Variants in NOL10 observed in about 807,000 individuals in gnomAD.
NOL10 encodes the protein H_NH0074G24.1.
In NOL10, 58 loss-of-function variants were observed where a neutral mutation model predicts 103.5. That is an observed-to-expected ratio of 0.56 (90% CI 0.45 to 0.70). The LOEUF is 0.70. NOL10 is among the 30% of genes least tolerant of loss of function. The probability of loss-of-function intolerance (pLI) is 0.00; values close to 1 mark genes in which losing one functional copy is unlikely to be tolerated. For synonymous variants in NOL10, 287 were observed against 282.5 expected (o/e 1.02, Z -0.16); for missense variants, 763 against 807.3 (o/e 0.95, Z 0.67).
chr2:10,637,225 A>T (rs10167779), intron 13 of NOL10, among the ~76,000 whole-genome samples: 1 of 143,642 alleles, frequency 7.0e-6, no homozygotes, highest in Non-Finnish European at 1.5e-5. Context: ...ACACACACAC[A>T]CTAAAACCAA....
intron 13 of NOL10, among the ~76,000 whole-genome samples, chr2:10,620,645 C>T (rs566559627): frequency 2.1e-4 from 32 of 152,322 alleles, no homozygotes; most frequent in Admixed American, 1.8e-3. Context: ...CACAACAGTA[C>T]TTAAGTAGAG....
intron 13 of NOL10, among the ~76,000 whole-genome samples, chr2:10,617,494 C>A (rs1676896186): frequency 6.6e-6 from 1 of 152,148 alleles, no homozygotes; most frequent in Non-Finnish European, 1.5e-5. Context: ...AACAAACAAC[C>A]ACAAACCCTG....
intron 4 of NOL10, 71 bp downstream of exon 4, chr2:10,675,723 C>T: frequency 2.3e-6 from 2 of 853,784 alleles, no homozygotes; most frequent in Non-Finnish European, 1.8e-6. Flanking sequence ...AAACCATTCT[C>T]ATTTTAAAAC....
chr2:10,653,243 ATGAG>A (rs1348571852), intron 12 of NOL10, among the ~76,000 whole-genome samples: 2 of 151,910 alleles, frequency 1.3e-5, no homozygotes, highest in Admixed American at 6.6e-5. Context: ...CATAGACACT[ATGAG>A]TGAGTACACC....
intron 4 of NOL10, among the ~76,000 whole-genome samples, chr2:10,673,848 C>T (rs1558346252): frequency 6.6e-6 from 1 of 151,772 alleles, no homozygotes; most frequent in African/African-American, 2.4e-5. Flanking sequence ...ATGTTGAAAA[C>T]AAAATAATTT....
At position 10,587,280 on chromosome 2, in the gene NOL10, T is replaced by A. The variant is rs372935788; in HGVS notation, c.1844+1763A>T. On this transcript the variant is annotated intron_variant, in intron 19 of 20. Coordinates refer to ENST00000381685, the MANE Select transcript of NOL10 (RefSeq NM_024894.4). The stretch of plus-strand genomic sequence containing the variant: ...ATACACATATATATATATATATTTT[T>A]TTTTTTTTTGAGATGGAGTCTAGTT... Among the ~76,000 whole-genome samples, 404 of 97,482 alleles carry A rather than the reference T, an allele frequency of 4.1e-3. 56 individuals carry two copies. Among genetic ancestry groups the A allele is most frequent in the Middle Eastern group, 0.012 (3 of 244 alleles). 64.0% of individuals were successfully genotyped at this position (97,482 alleles called of 152,430 possible).
At chr2:10,573,414 G>A (rs7607611) in intron 20 of NOL10, among the ~76,000 whole-genome samples, 37,610 of 151,870 alleles carry the variant, frequency 0.25, 6,483 homozygotes, top group African/African-American at 0.45. Context: ...GGATGGTCTC[G>A]ATCTCTTGAC....
intron 19 of NOL10, among the ~76,000 whole-genome samples, chr2:10,588,159 G>A (rs1312006029): frequency 6.6e-6 from 1 of 152,140 alleles, no homozygotes; most frequent in African/African-American, 2.4e-5. Context: ...TCAGACTCCT[G>A]ACAACTGAAA....
chr2:10,669,114 T>C (rs954801421), intron 6 of NOL10, among the ~76,000 whole-genome samples: 2 of 151,994 alleles, frequency 1.3e-5, no homozygotes, highest in African/African-American at 4.8e-5. Context: ...GTTTTTGATA[T>C]GGGGTTTTGC....
At chr2:10,677,201 A>T (rs1681367350) in intron 3 of NOL10, among the ~76,000 whole-genome samples, 1 of 152,014 alleles carries the variant, frequency 6.6e-6, no homozygotes, top group Non-Finnish European at 1.5e-5. Context: ...CGCCTGCCTA[A>T]GTGCTGGGAT....
At chr2:10,599,524 C>T (rs1210503709) in intron 17 of NOL10, among the ~76,000 whole-genome samples, 1 of 152,116 alleles carries the variant, frequency 6.6e-6, no homozygotes, top group Admixed American at 6.5e-5. Context: ...AGGTGCAGAG[C>T]CATTACACAC....
At chr2:10,642,326 T>C (rs1035389259) in intron 13 of NOL10, among the ~76,000 whole-genome samples, 2 of 152,142 alleles carry the variant, frequency 1.3e-5, no homozygotes, top group African/African-American at 4.8e-5. Context: ...CCACAACTAC[T>C]AGAAAGGGAG....
chr2:10,638,771 G>A (rs911087281), intron 13 of NOL10, among the ~76,000 whole-genome samples: 4 of 132,436 alleles, frequency 3.0e-5, no homozygotes, highest in African/African-American at 8.7e-5. Context: ...GATTACAGGC[G>A]TTTGAGCCAC....
At chr2:10,641,318 G>A (rs533620690) in intron 13 of NOL10, among the ~76,000 whole-genome samples, 2 of 151,122 alleles carry the variant, frequency 1.3e-5, no homozygotes, top group African/African-American at 4.9e-5. Flanking sequence ...ACTCCAGCCT[G>A]GGCAACAAAA....
chr2:10,609,497 G>A (rs6726978), intron 13 of NOL10, among the ~76,000 whole-genome samples: 332 of 152,028 alleles, frequency 2.2e-3, no homozygotes, highest in African/African-American at 7.6e-3. Context: ...TTACTCGGGA[G>A]GCTGAGGCAG....
chr2:10,613,964 ATT>A (rs1553301420), intron 13 of NOL10, among the ~76,000 whole-genome samples: 1 of 132,426 alleles, frequency 7.6e-6, no homozygotes. Context: ...CCCCATTAGA[ATT>A]TTTTTTTTTT....
chr2:10,643,460 A>G (rs1284114115), intron 13 of NOL10, among the ~76,000 whole-genome samples: 1 of 152,110 alleles, frequency 6.6e-6, no homozygotes, highest in Admixed American at 6.5e-5. Flanking sequence ...ACTTTATACT[A>G]TGTGTTTTTC....
chr2:10,581,632 G>A (rs573880690), intron 19 of NOL10, among the ~76,000 whole-genome samples: 1 of 152,250 alleles, frequency 6.6e-6, no homozygotes, highest in South Asian at 2.1e-4. Context: ...TTCAACACCA[G>A]TCTGGGCAAC....
At chr2:10,621,564 A>G (rs1377724207) in intron 13 of NOL10, among the ~76,000 whole-genome samples, 1 of 152,210 alleles carries the variant, frequency 6.6e-6, no homozygotes, top group Non-Finnish European at 1.5e-5. Context: ...ACTGCACTCC[A>G]GCCTGGGCAA....
Sources: gnomAD v4.1 joint callset for allele counts (sites outside exome capture counted in the v4.1 genomes callset) on GRCh38, gnomAD v4.1.1 for gene constraint, MANE v1.5 for transcripts, NCBI Gene and HGNC (gene_info 2026-07-23, HGNC 2026-07-21) for gene names.